MARCHF1: variants seen among roughly 807,000 people sequenced by gnomAD.
MARCHF1 encodes E3 ubiquitin-protein ligase MARCHF1.
A neutral mutation model predicts 54.2 loss-of-function variants in MARCHF1; 40 were observed. The ratio of observed to expected loss-of-function variants is 0.74; its 90% CI spans 0.57 to 0.96. The LOEUF (loss-of-function observed/expected upper bound fraction) is 0.96, where lower values mean the gene tolerates loss of function less well. Ranked by LOEUF, MARCHF1 falls within the 40% of genes least tolerant of loss-of-function variation. MARCHF1 has a pLI of 0.00. For missense variants in MARCHF1, 586 were observed against 656.5 expected, an observed-to-expected ratio of 0.89 and a Z score of 1.17; for synonymous variants, 236 against 236.3, an observed-to-expected ratio of 1.00 and a Z score of 0.01.
intron 5 of MARCHF1, among the ~76,000 whole-genome samples, chr4:163,654,936 C>A (rs1159518398): frequency 3.3e-5 from 5 of 151,542 alleles, no homozygotes; most frequent in African/African-American, 9.7e-5. Flanking sequence ...GTACTTCTTA[C>A]TGGCCATGCT....
chr4:163,774,999 TA>T (rs1747264489), intron 4 of MARCHF1, among the ~76,000 whole-genome samples: 1 of 152,044 alleles, frequency 6.6e-6, no homozygotes, highest in African/African-American at 2.4e-5. Flanking sequence ...CTTCTCTGTT[TA>T]AAAACTTAAT....
intron 1 of MARCHF1, among the ~76,000 whole-genome samples, chr4:164,129,008 C>T (rs1394075205): frequency 6.6e-6 from 1 of 152,184 alleles, no homozygotes; most frequent in Non-Finnish European, 1.5e-5. Flanking sequence ...ATACAAGTGC[C>T]TACCTGGTTC....
At chr4:163,959,361 CACAAA>C (rs1288520730) in intron 3 of MARCHF1, among the ~76,000 whole-genome samples, 1 of 150,522 alleles carries the variant, frequency 6.6e-6, no homozygotes, top group Non-Finnish European at 1.5e-5. Flanking sequence ...AAACAAAAAA[CACAAA>C]ACAAACAAAA....
intron 1 of MARCHF1, among the ~76,000 whole-genome samples, chr4:164,210,593 TATAG>T (rs1267929895): frequency 2.0e-5 from 3 of 152,124 alleles, no homozygotes; most frequent in African/African-American, 4.8e-5. Context: ...TTCCTTGGTA[TATAG>T]ATAGTGTTTC....
intron 1 of MARCHF1, among the ~76,000 whole-genome samples, chr4:164,323,094 T>C (rs1735184232): frequency 6.6e-6 from 1 of 151,906 alleles, no homozygotes; most frequent in Non-Finnish European, 1.5e-5. Flanking sequence ...TTTAGTACTT[T>C]TATGGAACAC....
intron 1 of MARCHF1, among the ~76,000 whole-genome samples, chr4:164,291,145 A>G (rs1734274756): frequency 1.3e-5 from 2 of 152,104 alleles, no homozygotes; most frequent in South Asian, 4.1e-4. Flanking sequence ...CAAATTTAAA[A>G]TACTTGATAA....
At chr4:164,282,496 C>A (rs1734049749) in intron 1 of MARCHF1, among the ~76,000 whole-genome samples, 1 of 150,754 alleles carries the variant, frequency 6.6e-6, no homozygotes, top group African/African-American at 2.4e-5. Context: ...TCCACCGTTC[C>A]AATAAATTTA....
chr4:164,139,115 T>C (rs1376336228), intron 1 of MARCHF1, among the ~76,000 whole-genome samples: 1 of 152,134 alleles, frequency 6.6e-6, no homozygotes, highest in Non-Finnish European at 1.5e-5. Flanking sequence ...GTAAGATGAG[T>C]ACAATATTTT....
intron 1 of MARCHF1, among the ~76,000 whole-genome samples, chr4:164,293,157 C>T (rs1346945010): frequency 6.6e-6 from 1 of 152,070 alleles, no homozygotes; most frequent in Admixed American, 6.6e-5. Flanking sequence ...TAGCCTAAAA[C>T]TTGAATTCCT....
At chr4:164,260,952 A>G (rs1316869879) in intron 1 of MARCHF1, among the ~76,000 whole-genome samples, 1 of 152,178 alleles carries the variant, frequency 6.6e-6, no homozygotes, top group Non-Finnish European at 1.5e-5. Context: ...TATGTTGTTG[A>G]ATTATTTATG....
intron 1 of MARCHF1, among the ~76,000 whole-genome samples, chr4:164,158,017 TA>T (rs769519686): frequency 2.0e-5 from 3 of 152,170 alleles, no homozygotes; most frequent in Non-Finnish European, 4.4e-5. Context: ...CTATTCTTAG[TA>T]ATTGCTTCTA....
At chr4:163,843,687 C>T (rs1471290360) in intron 4 of MARCHF1, among the ~76,000 whole-genome samples, 1 of 152,004 alleles carries the variant, frequency 6.6e-6, no homozygotes, top group Non-Finnish European at 1.5e-5. Flanking sequence ...TAATTCTCTC[C>T]CCCTGCCACT....
intron 1 of MARCHF1, among the ~76,000 whole-genome samples, chr4:164,222,898 T>G (rs1360410684): frequency 1.3e-5 from 2 of 152,032 alleles, no homozygotes; most frequent in African/African-American, 4.8e-5. Context: ...GGGTAATTTA[T>G]AAAGTAAAGA....
chr4:163,553,569 A>C (rs1328140822), intron 8 of MARCHF1, among the ~76,000 whole-genome samples: 1 of 152,254 alleles, frequency 6.6e-6, no homozygotes, highest in African/African-American at 2.4e-5. Flanking sequence ...AGAAACAGCT[A>C]AAAGATGGCA....
intron 3 of MARCHF1, among the ~76,000 whole-genome samples, chr4:163,890,389 C>A (rs1446390012): frequency 6.7e-6 from 1 of 150,316 alleles, no homozygotes; most frequent in Non-Finnish European, 1.5e-5. Context: ...TCTGTTTTTT[C>A]TTCTTGTTTG....
intron 1 of MARCHF1, among the ~76,000 whole-genome samples, chr4:164,206,671 C>G (rs777258929): frequency 1.3e-4 from 20 of 152,074 alleles, no homozygotes; most frequent in Non-Finnish European, 2.8e-4. Context: ...TACTGTAATA[C>G]AGTCTCTACA....
intron 2 of MARCHF1, among the ~76,000 whole-genome samples, chr4:164,104,058 A>C (rs1195779061): frequency 1.3e-5 from 2 of 151,524 alleles, no homozygotes; most frequent in African/African-American, 2.4e-5. Flanking sequence ...TCCCAAGACT[A>C]AACCAGGAAG....
At chr4:164,361,205 C>T (rs1049740409) in intron 1 of MARCHF1, among the ~76,000 whole-genome samples, 1 of 151,986 alleles carries the variant, frequency 6.6e-6, no homozygotes, top group East Asian at 1.9e-4. Flanking sequence ...TAATTCTCTC[C>T]TCTGCCCTGC....
At chr4:163,633,799 T>C (rs534833244) in intron 5 of MARCHF1, among the ~76,000 whole-genome samples, 5 of 152,088 alleles carry the variant, frequency 3.3e-5, no homozygotes, top group Admixed American at 1.3e-4. Context: ...AATTGTCAGA[T>C]TCACCAAAGT....
Sources: gnomAD v4.1 joint callset for allele counts (sites outside exome capture counted in the v4.1 genomes callset) on GRCh38, gnomAD v4.1.1 for gene constraint, MANE v1.5 for transcripts, NCBI Gene and HGNC (gene_info 2026-07-23, HGNC 2026-07-21) for gene names.